The following VAV3 variants were observed in gnomAD, a reference collection of about 807,000 sequenced individuals.
The protein encoded by VAV3 is vav guanine nucleotide exchange factor 3.
In VAV3, 94 loss-of-function variants were observed where a neutral mutation model predicts 131.2. That is an observed-to-expected ratio of 0.72 (90% CI 0.61 to 0.85). The LOEUF is 0.85. Ranked by LOEUF, VAV3 falls within the 40% of genes least tolerant of loss-of-function variation. The probability of loss-of-function intolerance (pLI) is 0.00; values close to 1 mark genes in which losing one functional copy is unlikely to be tolerated. For missense variants in VAV3, 939 were observed against 1,002.7 expected, an observed-to-expected ratio of 0.94 and a Z score of 0.86; for synonymous variants, 349 against 342.0, an observed-to-expected ratio of 1.02 and a Z score of -0.22.
At position 107,572,077 on chromosome 1, in the gene VAV3, T is replaced by C. The variant is rs1310875756; in HGVS notation, c.*1254A>G. 1.3e-5 allele frequency: 2 copies of C among 152,252 alleles called. No individual in the cohort carries two copies. Among genetic ancestry groups the C allele is most frequent in the Admixed American group, 6.5e-5 (1 of 15,292 alleles). 9.4% of individuals were successfully genotyped at this position (152,252 alleles called of 1,614,324 possible). On this transcript the variant is annotated 3_prime_UTR_variant, in exon 27 of 27. Transcript: ENST00000370056. ...GAAAGGGCCAAGTTAGTGTCTTAAC[T>C]TGACTGCCTTGAATGGGGACTCTGG...
At position 107,575,017 on chromosome 1, in the gene VAV3, ACACGCG is replaced by A. The variant is rs1208168927; in HGVS notation, c.2351-825_2351-820del. ...TGCGTGCGTGCGCGCGCGCGCGCGC[ACACGCG>A]CGCGTGTTTAATATTCGATGGCAGG... On this transcript the variant is annotated intron_variant, in intron 25 of 26. Transcript: ENST00000370056. Among the ~76,000 whole-genome samples, 51 of 15,090 alleles carry A rather than the reference ACACGCG, an allele frequency of 3.4e-3. 1 individual carries two copies. The highest frequency in any genetic ancestry group is 0.011 in the African/African-American group (51 of 4,734). 9.9% of individuals were successfully genotyped at this position (15,090 alleles called of 152,430 possible).
chr1:107,831,615 T>C (rs1668251440), intron 2 of VAV3, among the ~76,000 whole-genome samples: 1 of 152,214 alleles, frequency 6.6e-6, no homozygotes, highest in Admixed American at 6.5e-5. Flanking sequence ...CTTTTGTTCA[T>C]GTTGCTCATT....
intron 2 of VAV3, among the ~76,000 whole-genome samples, chr1:107,861,180 T>C (rs960548156): frequency 1.3e-5 from 2 of 151,616 alleles, no homozygotes; most frequent in Non-Finnish European, 2.9e-5. Flanking sequence ...AAGGAATATA[T>C]GCTTTTGATT....
chr1:107,735,305 A>G lies in VAV3; in HGVS notation c.1502+13663T>C, dbSNP rs370987174. On this transcript the variant is annotated intron_variant, in intron 15 of 26. Coordinates refer to ENST00000370056, the MANE Select transcript of VAV3 (RefSeq NM_006113.5). ...ACATCACAATTAAAAGAACTAGAGAAGCAAGAGCAAACACATTCAAAAGCT... is the reference window on the plus strand; with the variant it reads ...ACATCACAATTAAAAGAACTAGAGAGGCAAGAGCAAACACATTCAAAAGCT... Among the ~76,000 whole-genome samples, 14 of 152,336 alleles carry G rather than the reference A, an allele frequency of 9.2e-5. No homozygotes were observed. The East Asian group carries it at 2.1e-3, about 23-fold the overall frequency.
intron 15 of VAV3, among the ~76,000 whole-genome samples, chr1:107,718,944 C>G (rs921479788): frequency 5.3e-5 from 8 of 152,144 alleles, no homozygotes; most frequent in African/African-American, 1.9e-4. Context: ...CTGACAAAAA[C>G]AAGAAATGGT....
intron 17 of VAV3, among the ~76,000 whole-genome samples, chr1:107,704,281 G>T (rs1213367314): frequency 2.6e-5 from 4 of 152,174 alleles, no homozygotes; most frequent in African/African-American, 7.2e-5. Context: ...TTAAAGAAAT[G>T]AGTGACATGA....
At chr1:107,958,758 A>C (rs380677) in intron 1 of VAV3, among the ~76,000 whole-genome samples, 123,693 of 151,936 alleles carry the variant, frequency 0.81, 50,529 homozygotes, top group East Asian at 0.98. Context: ...GGTATTTCTC[A>C]TAATGTTATC....
chr1:107,623,444 T>C (rs1453293963), intron 20 of VAV3, among the ~76,000 whole-genome samples: 1 of 152,230 alleles, frequency 6.6e-6, no homozygotes, highest in African/African-American at 2.4e-5. Context: ...TCTAATCCTA[T>C]GTACAATCCT....
intron 15 of VAV3, among the ~76,000 whole-genome samples, chr1:107,738,894 G>A (rs1454708530): frequency 6.6e-6 from 1 of 152,040 alleles, no homozygotes; most frequent in African/African-American, 2.4e-5. Context: ...AGACAAGCCG[G>A]AGACAGTAGC....
intron 1 of VAV3, among the ~76,000 whole-genome samples, chr1:107,939,845 T>A (rs1434733577): frequency 6.6e-6 from 1 of 151,768 alleles, no homozygotes; most frequent in African/African-American, 2.4e-5. Flanking sequence ...ATACTTAATA[T>A]CTCCCCCCAC....
At chr1:107,819,602 T>A (rs1162758108) in intron 2 of VAV3, among the ~76,000 whole-genome samples, 1 of 152,090 alleles carries the variant, frequency 6.6e-6, no homozygotes, top group Non-Finnish European at 1.5e-5. Context: ...TGCCTCAAAT[T>A]GCACTTTTTC....
At chr1:107,648,891 T>C (rs17479259) in intron 19 of VAV3, among the ~76,000 whole-genome samples, 20,606 of 151,882 alleles carry the variant, frequency 0.14, 1,499 homozygotes, top group Non-Finnish European at 0.16. Flanking sequence ...CAGGATGATC[T>C]GAGTACCCGC....
At chr1:107,885,841 T>C (rs774091880) in intron 1 of VAV3, among the ~76,000 whole-genome samples, 1 of 152,174 alleles carries the variant, frequency 6.6e-6, no homozygotes, top group Non-Finnish European at 1.5e-5. Flanking sequence ...CTGTCTCTTA[T>C]ATGGCAGACT....
intron 17 of VAV3, among the ~76,000 whole-genome samples, chr1:107,693,192 G>C (rs1659537962): frequency 6.6e-6 from 1 of 152,134 alleles, no homozygotes; most frequent in Non-Finnish European, 1.5e-5. Flanking sequence ...TGTATGTGTT[G>C]ATCATTGAGG....
chr1:107,770,597 G>T, intron 6 of VAV3, 39 bp downstream of exon 6: 2 of 1,212,058 alleles, frequency 1.7e-6, no homozygotes, highest in South Asian at 1.2e-5. Context: ...ACTATATTAG[G>T]CAGTATTTGG....
At chr1:107,842,795 C>T (rs572549258) in intron 2 of VAV3, among the ~76,000 whole-genome samples, 124 of 151,972 alleles carry the variant, frequency 8.2e-4, no homozygotes, top group Non-Finnish European at 1.3e-3. Flanking sequence ...AGGCAGATAT[C>T]GTTATCTGTC....
At chr1:107,929,287 C>A (rs79807732) in intron 1 of VAV3, among the ~76,000 whole-genome samples, 2,539 of 91,942 alleles carry the variant, frequency 0.028, no homozygotes, top group Admixed American at 0.03. Context: ...CACTCTGTCT[C>A]AAAAAAAAAA....
At chr1:107,696,386 T>C (rs1659748108) in intron 17 of VAV3, among the ~76,000 whole-genome samples, 1 of 152,198 alleles carries the variant, frequency 6.6e-6, no homozygotes, top group African/African-American at 2.4e-5. Context: ...CTATAGGACA[T>C]TATAATTTAT....
intron 20 of VAV3, among the ~76,000 whole-genome samples, chr1:107,621,914 A>T (rs1653636631): frequency 6.6e-6 from 1 of 152,158 alleles, no homozygotes; most frequent in Non-Finnish European, 1.5e-5. Context: ...TTGTAAATCT[A>T]ACAGTACAGG....
Sources: allele counts gnomAD v4.1 joint callset (sites outside exome capture counted in the v4.1 genomes callset), GRCh38; gene constraint gnomAD v4.1.1; transcripts MANE v1.5; gene names NCBI Gene and HGNC (gene_info 2026-07-23, HGNC 2026-07-21).